KIAA1328: variants seen among roughly 807,000 people sequenced by gnomAD.
KIAA1328 encodes the protein KIAA1328, also known as protein hinderin.
KIAA1328 carries 52 observed loss-of-function variants against 68.1 expected under a neutral mutation model. The ratio of observed to expected loss-of-function variants is 0.76; its 90% CI spans 0.61 to 0.96. The LOEUF is 0.96. Ranked by LOEUF, KIAA1328 falls within the 40% of genes least tolerant of loss-of-function variation. KIAA1328 has a pLI of 0.00. For synonymous variants in KIAA1328, 232 were observed against 239.4 expected (o/e 0.97, Z 0.28); for missense variants, 641 against 677.6 (o/e 0.95, Z 0.60).
In KIAA1328 at chr18:36,955,206, G is replaced by A. The variant is rs558376033; in HGVS notation, c.449-4102G>A. ...GAGTGCAATGGCATGATCTCAGCTC[G>A]GTGCAACCTCCGCTTCCCGGGTTCA... On this transcript the variant is annotated intron_variant, in intron 5 of 9. Coordinates refer to ENST00000280020, the MANE Select transcript of KIAA1328 (RefSeq NM_020776.3). Among the ~76,000 whole-genome samples, 791 of 150,046 alleles carry A rather than the reference G, an allele frequency of 5.3e-3. 8 individuals carry two copies. The highest frequency in any genetic ancestry group is 6.0e-3 in the Non-Finnish European group (402 of 67,498).
At position 36,962,731 on chromosome 18, in the gene KIAA1328, C is replaced by T. The variant is rs536947850; in HGVS notation, c.576+3296C>T. Among the ~76,000 whole-genome samples, 11 of 152,216 alleles carry T rather than the reference C, an allele frequency of 7.2e-5. No homozygotes were observed. In the East Asian group the frequency reaches 9.6e-4, roughly 13 times the overall value. On this transcript the variant is annotated intron_variant, in intron 6 of 9. Coordinates refer to ENST00000280020, the MANE Select transcript of KIAA1328 (RefSeq NM_020776.3). ...TCCTGAATGACTACTGGGTAAATAACGAAATGAAGGCAGAAATAAAGATCT... is the reference window on the plus strand; with the variant it reads ...TCCTGAATGACTACTGGGTAAATAATGAAATGAAGGCAGAAATAAAGATCT...
chr18:36,938,943 T>A (rs1598762432), intron 5 of KIAA1328, among the ~76,000 whole-genome samples: 1 of 152,146 alleles, frequency 6.6e-6, no homozygotes, highest in East Asian at 1.9e-4. Context: ...CATTGGTTAA[T>A]GTGTTTGTTT....
At chr18:37,138,153 A>G (rs139761974) in intron 7 of KIAA1328, among the ~76,000 whole-genome samples, 9 of 152,344 alleles carry the variant, frequency 5.9e-5, no homozygotes, top group South Asian at 2.1e-4. Flanking sequence ...TAGGTAGTGT[A>G]TATGTGCTGA....
intron 4 of KIAA1328, among the ~76,000 whole-genome samples, chr18:36,844,802 T>A (rs1261659396): frequency 6.6e-6 from 1 of 151,944 alleles, no homozygotes; most frequent in Non-Finnish European, 1.5e-5. Flanking sequence ...GAGGCTCATC[T>A]ACTTTGTATG....
chr18:37,192,575 C>T (rs540126063), intron 9 of KIAA1328, among the ~76,000 whole-genome samples: 7 of 152,168 alleles, frequency 4.6e-5, no homozygotes, highest in Admixed American at 6.5e-5. Flanking sequence ...AGTCAGCTTA[C>T]GGCTTTTCCT....
chr18:37,121,380 C>T (rs375034017), intron 7 of KIAA1328, among the ~76,000 whole-genome samples: 22 of 152,180 alleles, frequency 1.4e-4, no homozygotes, highest in African/African-American at 4.1e-4. Context: ...GTCAACCTGA[C>T]ATAATTCTAA....
chr18:37,195,939 A>G (rs1211134259), intron 9 of KIAA1328, among the ~76,000 whole-genome samples: 1 of 152,158 alleles, frequency 6.6e-6, no homozygotes, highest in African/African-American at 2.4e-5. Context: ...TGAGCATGGG[A>G]TATCTTTCCA....
At chr18:37,131,987 T>TA (rs1241761554) in intron 7 of KIAA1328, among the ~76,000 whole-genome samples, 1 of 152,210 alleles carries the variant, frequency 6.6e-6, no homozygotes, top group African/African-American at 2.4e-5. Flanking sequence ...AGTGTTTTCT[T>TA]AAAATCTCTT....
Position 37,142,763 on chromosome 18 carries a change from CCTTA to C in KIAA1328, c.1233-17433_1233-17430del, listed in dbSNP as rs1254587020. Among the ~76,000 whole-genome samples, 16 of 152,120 alleles carry C rather than the reference CCTTA, an allele frequency of 1.1e-4. No individual in the cohort carries two copies. The East Asian group carries it at 2.9e-3, about 28-fold the overall frequency. On this transcript the variant is annotated intron_variant, in intron 7 of 9. Transcript: ENST00000280020. ...AAATTAGGTATAGTAAACCTTCAAGCCTTACTTTTTTATTAAAAATTATTTTTTC... is the reference window on the plus strand; with the variant it reads ...AAATTAGGTATAGTAAACCTTCAAGCCTTTTTTATTAAAAATTATTTTTTC...
rs148091547 is a variant in KIAA1328, at chr18:36,996,320, A to G, written c.576+36885A>G. 6.7e-3 allele frequency among the ~76,000 whole-genome samples: 1,022 copies of G among 152,288 alleles called. 16 individuals carry two copies. The highest frequency in any genetic ancestry group is 0.023 in the African/African-American group (947 of 41,568). ...AGTTTAACCTCATGAGGTAGGCACC[A>G]TTATTATCTCTTTTATGGAGGTCAG... On this transcript the variant is annotated intron_variant, in intron 6 of 9. Transcript: ENST00000280020.
chr18:36,878,829 T>G (rs993668341), intron 4 of KIAA1328, among the ~76,000 whole-genome samples: 1 of 152,244 alleles, frequency 6.6e-6, no homozygotes, highest in Non-Finnish European at 1.5e-5. Context: ...TTGTGTATGC[T>G]TCACGAAGTT....
intron 5 of KIAA1328, among the ~76,000 whole-genome samples, chr18:36,889,932 A>G (rs1413250628): frequency 6.6e-6 from 1 of 152,176 alleles, no homozygotes; most frequent in African/African-American, 2.4e-5. Context: ...CTCTGGAAGG[A>G]AAAACCTCTC....
chr18:36,975,725 T>G (rs1232378998), intron 6 of KIAA1328, among the ~76,000 whole-genome samples: 4 of 152,228 alleles, frequency 2.6e-5, no homozygotes, highest in African/African-American at 4.8e-5. Context: ...TTTTTAACTT[T>G]TATTATTCAG....
At chr18:37,006,118 A>G (rs926094246) in intron 6 of KIAA1328, among the ~76,000 whole-genome samples, 1 of 152,110 alleles carries the variant, frequency 6.6e-6, no homozygotes, top group African/African-American at 2.4e-5. Flanking sequence ...AACACTAGGC[A>G]TTATATATGC....
At chr18:37,032,243 T>C (rs1322838859) in intron 6 of KIAA1328, among the ~76,000 whole-genome samples, 1 of 152,216 alleles carries the variant, frequency 6.6e-6, no homozygotes, top group Non-Finnish European at 1.5e-5. Flanking sequence ...AATGTATAAC[T>C]GCATAAAAGA....
chr18:37,100,881 G>A (rs2057591104), intron 7 of KIAA1328, among the ~76,000 whole-genome samples: 1 of 152,186 alleles, frequency 6.6e-6, no homozygotes, highest in Non-Finnish European at 1.5e-5. Context: ...CTGTTCTGCA[G>A]CCTGTGCTGC....
At chr18:36,851,439 G>A (rs1315660246) in intron 4 of KIAA1328, among the ~76,000 whole-genome samples, 4 of 151,658 alleles carry the variant, frequency 2.6e-5, no homozygotes, top group African/African-American at 9.7e-5. Flanking sequence ...TCCCTGGATT[G>A]TCTTTGTTGG....
At chr18:36,883,894 C>T (rs999351192) in intron 4 of KIAA1328, among the ~76,000 whole-genome samples, 6 of 147,272 alleles carry the variant, frequency 4.1e-5, no homozygotes, top group South Asian at 2.1e-4. Context: ...TGTCTTGTTC[C>T]GTGACCAAAT....
In KIAA1328 at chr18:36,990,567, A is replaced by C. The variant is rs374344428; in HGVS notation, c.576+31132A>C. The stretch of plus-strand genomic sequence containing the variant: ...CACACATCTGTAATCCCAGTTCGGG[A>C]GGCTGAGGCAGGAGAATTGCTTGAA... On this transcript the variant is annotated intron_variant, in intron 6 of 9. Transcript: ENST00000280020. 1.6e-4 allele frequency among the ~76,000 whole-genome samples: 24 copies of C among 152,048 alleles called. No homozygotes were observed. The South Asian group carries it at 4.2e-3, about 26-fold the overall frequency.
Sources: gnomAD v4.1 joint callset for allele counts (sites outside exome capture counted in the v4.1 genomes callset) on GRCh38, gnomAD v4.1.1 for gene constraint, MANE v1.5 for transcripts, NCBI Gene and HGNC (gene_info 2026-07-23, HGNC 2026-07-21) for gene names.